Variants in CDH23 observed in about 807,000 individuals in gnomAD.
The protein encoded by CDH23 is cadherin related 23.
Under a neutral mutation model 317.1 loss-of-function variants are expected in CDH23, and 189 were observed. The ratio of observed to expected loss-of-function variants is 0.60; its 90% CI spans 0.53 to 0.67. The LOEUF is 0.67. Among genes scored for constraint, CDH23 ranks in the 30% least tolerant of loss-of-function variants. The pLI, the probability that CDH23 is intolerant of heterozygous loss-of-function variation, is 0.00. For synonymous variants in CDH23, 1,839 were observed against 1,876.8 expected, an observed-to-expected ratio of 0.98 and a Z score of 0.52; for missense variants, 4,401 against 4,592.4, an observed-to-expected ratio of 0.96 and a Z score of 1.20.
chr10:71,403,314 T>TCTTCCTTCCTTCCTTCCTTCCTTCCTTC (rs201087939), intron 1 of CDH23, among the ~76,000 whole-genome samples: 4 of 102,806 alleles, frequency 3.9e-5, no homozygotes, highest in African/African-American at 2.9e-4. Flanking sequence ...TCTTTCTCTT[T>TCTTCCTTCCTTCCTTCCTTCCTTCCTTC]CTTCCTTCCT....
chr10:71,612,441 T>G lies in CDH23; in HGVS notation c.833-3063T>G, dbSNP rs138280744. Among the ~76,000 whole-genome samples, 366 of 152,204 alleles carry G rather than the reference T, an allele frequency of 2.4e-3. 3 individuals are homozygous for G. The highest frequency in any genetic ancestry group is 8.5e-3 in the African/African-American group (353 of 41,504). On this transcript the variant is annotated intron_variant, in intron 9 of 69. Transcript: ENST00000224721. ...CTGAGTGAAGAAATACAAGTGAGTG[T>G]TCCAGGGTTGAAAACCCTGTTTTTC...
chr10:71,569,644 G>A (rs541426019), intron 7 of CDH23, among the ~76,000 whole-genome samples: 7 of 152,202 alleles, frequency 4.6e-5, no homozygotes, highest in Non-Finnish European at 1.0e-4. Flanking sequence ...TTGAGTTCTG[G>A]CTACACACTT....
chr10:71,692,360 C>A (rs148952431), intron 20 of CDH23, among the ~76,000 whole-genome samples: 11 of 152,288 alleles, frequency 7.2e-5, no homozygotes, highest in African/African-American at 2.2e-4. Flanking sequence ...GCTGCCTTAA[C>A]ACGACTTTGT....
At chr10:71,508,872 AAGG>A (rs1235764755) in intron 3 of CDH23, among the ~76,000 whole-genome samples, 1 of 152,188 alleles carries the variant, frequency 6.6e-6, no homozygotes, top group Non-Finnish European at 1.5e-5. Context: ...TCCTGAAGCT[AAGG>A]AGACCAACCA....
chr10:71,617,357 C>T lies in CDH23; in HGVS notation c.1098C>T (p.Ala366=), dbSNP rs1467091306. Residue 366 remains alanine, a synonymous_variant, in exon 11 of 70, where the codon GCC becomes GCT. Transcript: ENST00000224721. ...AITELAQVGF[A]LPLFIQVVDK... ...CTGAGCTGGCACAGGTCGGCTTTGC[C>T]CTTCCACTCTTCATCCAGGTGGTGG... The T allele has an allele frequency of 8.7e-6, 14 of 1,613,756 alleles. No homozygotes were observed. The highest frequency in any genetic ancestry group is 1.7e-5 in the Admixed American group (1 of 60,004).
chr10:71,590,783 T>A (rs1859412860), intron 9 of CDH23, among the ~76,000 whole-genome samples: 1 of 150,144 alleles, frequency 6.7e-6, no homozygotes, highest in Non-Finnish European at 1.5e-5. Flanking sequence ...GGAGAATCAC[T>A]TGAGCCCAGG....
At chr10:71,623,678 G>A (rs988327388) in intron 11 of CDH23, among the ~76,000 whole-genome samples, 13 of 152,176 alleles carry the variant, frequency 8.5e-5, no homozygotes, top group Non-Finnish European at 2.9e-5. Flanking sequence ...TAGCAGTTTA[G>A]CCATTTTCCT....
intron 60 of CDH23, among the ~76,000 whole-genome samples, chr10:71,809,167 C>CTTTTTTTTTTTTTTTTTTTTTT (rs61078259): frequency 1.5e-5 from 1 of 68,828 alleles, no homozygotes; most frequent in African/African-American, 6.2e-5. Flanking sequence ...TTTCTTTTTC[C>CTTTTTTTTTTTTTTTTTTTTTT]TTTTTTTTTT....
At chr10:71,723,494 G>A (rs1866654734) in intron 28 of CDH23, among the ~76,000 whole-genome samples, 2 of 152,220 alleles carry the variant, frequency 1.3e-5, no homozygotes, top group African/African-American at 4.8e-5. Context: ...TCTGAAGCTA[G>A]ACTGGGGTGA....
intron 6 of CDH23, among the ~76,000 whole-genome samples, chr10:71,537,849 A>G (rs1464315139): frequency 6.6e-6 from 1 of 152,156 alleles, no homozygotes; most frequent in African/African-American, 2.4e-5. Context: ...TGTTATTATC[A>G]TCTTATTTCA....
rs1864965345 is a variant in CDH23 at position 71,687,720 on chromosome 10, G to T, written c.2059+1G>T. On this transcript the variant is annotated splice_donor_variant, in intron 19 of 69. Coordinates refer to ENST00000224721, the MANE Select transcript of CDH23 (RefSeq NM_022124.6). LOFTEE classifies it high-confidence loss of function. ...TCCGTGGTGGAGAACATCATGGCAG[G>T]TACAGGCTCAGGTCGGGGGGTGGGG... The T allele has an allele frequency of 6.2e-7, 1 of 1,613,556 alleles. No individual in the cohort carries two copies. The highest frequency in any genetic ancestry group is 1.3e-5 in the African/African-American group (1 of 75,024).
intron 11 of CDH23, among the ~76,000 whole-genome samples, chr10:71,625,227 T>A (rs1398201290): frequency 6.6e-6 from 1 of 151,078 alleles, no homozygotes; most frequent in East Asian, 1.9e-4. Flanking sequence ...AAAGGTTTGG[T>A]CCCACCGAGC....
intron 11 of CDH23, among the ~76,000 whole-genome samples, chr10:71,623,940 GTTC>G (rs1207148306): frequency 1.3e-5 from 2 of 152,218 alleles, no homozygotes; most frequent in African/African-American, 2.4e-5. Context: ...TCTCAGCCCA[GTTC>G]TTCTTCCGCA....
chr10:71,659,110 A>G (rs1156896321), intron 14 of CDH23, among the ~76,000 whole-genome samples: 3 of 152,206 alleles, frequency 2.0e-5, no homozygotes, highest in Non-Finnish European at 2.9e-5. Flanking sequence ...ACCCTTCAGT[A>G]GGTTCGCTGC....
intron 48 of CDH23, 105 bp downstream of exon 48, chr10:71,793,745 T>C: frequency 2.4e-6 from 2 of 847,500 alleles, no homozygotes; most frequent in Non-Finnish European, 3.6e-6. Flanking sequence ...GCTGTTCCCT[T>C]GCTACTCTCT....
intron 41 of CDH23, among the ~76,000 whole-genome samples, chr10:71,782,133 A>G (rs1471159399): frequency 6.6e-6 from 1 of 152,308 alleles, no homozygotes; most frequent in Non-Finnish European, 1.5e-5. Flanking sequence ...AGCACTTACC[A>G]GCCCCACTGA....
intron 9 of CDH23, among the ~76,000 whole-genome samples, chr10:71,585,295 G>A (rs1858974139): frequency 6.6e-6 from 1 of 152,172 alleles, no homozygotes; most frequent in South Asian, 2.1e-4. Flanking sequence ...CATAGGAAAA[G>A]CCTGTTAATA....
intron 11 of CDH23, among the ~76,000 whole-genome samples, chr10:71,625,473 G>A (rs1411216550): frequency 7.5e-6 from 1 of 132,548 alleles, no homozygotes; most frequent in Non-Finnish European, 1.6e-5. Context: ...GCGGGTGGGG[G>A]TAGGCAGTGA....
chr10:71,686,395 C>T (rs565655412), intron 18 of CDH23, among the ~76,000 whole-genome samples: 15 of 152,138 alleles, frequency 9.9e-5, no homozygotes, highest in African/African-American at 3.1e-4. Context: ...GGCAGGTCAG[C>T]GTGACCCAGG....
Sources: allele counts gnomAD v4.1 joint callset (sites outside exome capture counted in the v4.1 genomes callset), GRCh38; gene constraint gnomAD v4.1.1; transcripts MANE v1.5; gene names NCBI Gene and HGNC (gene_info 2026-07-23, HGNC 2026-07-21).